SHISA6: variants seen among roughly 807,000 people sequenced by gnomAD.
SHISA6 encodes protein shisa-6.
A neutral mutation model predicts 47.9 loss-of-function variants in SHISA6; 22 were observed. That is an observed-to-expected ratio of 0.46 (90% CI 0.33 to 0.66). The LOEUF is 0.66. Among genes scored for constraint, SHISA6 ranks in the 30% least tolerant of loss-of-function variants. The probability of loss-of-function intolerance (pLI) is 0.02; values close to 1 mark genes in which losing one functional copy is unlikely to be tolerated. For missense variants in SHISA6, 680 were observed against 764.6 expected (o/e 0.89, Z 1.30); for synonymous variants, 388 against 337.8 (o/e 1.15, Z -1.63).
chr17:11,480,327 AT>A (rs1916178336), intron 3 of SHISA6, among the ~76,000 whole-genome samples: 2 of 152,116 alleles, frequency 1.3e-5, no homozygotes, highest in Admixed American at 1.3e-4. Context: ...GATACCTGTT[AT>A]TAATTTGGGG....
chr17:11,394,117 A>G (rs1290650346), intron 3 of SHISA6, among the ~76,000 whole-genome samples: 1 of 152,204 alleles, frequency 6.6e-6, no homozygotes, highest in East Asian at 1.9e-4. Flanking sequence ...AGCAAGGACC[A>G]TATCTGGAGT....
At chr17:11,453,201 T>C (rs1915449243) in intron 3 of SHISA6, among the ~76,000 whole-genome samples, 1 of 152,184 alleles carries the variant, frequency 6.6e-6, no homozygotes, top group African/African-American at 2.4e-5. Flanking sequence ...ACAAAGAGAT[T>C]ATCATAGATG....
chr17:11,247,543 T>C (rs1045964939), intron 1 of SHISA6, among the ~76,000 whole-genome samples: 2 of 152,136 alleles, frequency 1.3e-5, no homozygotes, highest in Admixed American at 6.6e-5. Flanking sequence ...CTTGATGATA[T>C]ATCACCTCTG....
intron 1 of SHISA6, among the ~76,000 whole-genome samples, chr17:11,248,221 A>AT (rs950938393): frequency 1.1e-4 from 17 of 152,020 alleles, no homozygotes; most frequent in Admixed American, 9.8e-4. Context: ...TGCTAACTCT[A>AT]TTTTTTTTAA....
chr17:11,511,007 G>A (rs895368819), intron 3 of SHISA6, among the ~76,000 whole-genome samples: 1 of 152,162 alleles, frequency 6.6e-6, no homozygotes, highest in Non-Finnish European at 1.5e-5. Context: ...AATGGAGCTA[G>A]GAAGAGCACC....
At chr17:11,244,978 A>G (rs1907518064) in intron 1 of SHISA6, among the ~76,000 whole-genome samples, 1 of 152,146 alleles carries the variant, frequency 6.6e-6, no homozygotes, top group Non-Finnish European at 1.5e-5. Context: ...CCCAGGCTGG[A>G]CAGCCCTCCG....
chr17:11,280,676 G>A (rs1567559378), intron 2 of SHISA6, among the ~76,000 whole-genome samples: 4 of 152,190 alleles, frequency 2.6e-5, no homozygotes, highest in Admixed American at 1.3e-4. Context: ...AGACTTGAAT[G>A]GTCAGAAAGC....
chr17:11,503,668 G>A (rs562970022), intron 3 of SHISA6, among the ~76,000 whole-genome samples: 1 of 152,126 alleles, frequency 6.6e-6, no homozygotes, highest in Non-Finnish European at 1.5e-5. Context: ...TTTGCCCCTT[G>A]GAGATGTAAT....
In SHISA6 at chr17:11,563,057, G is replaced by A. The variant is rs1347150455; in HGVS notation, c.*4753G>A. Reference sequence around the variant, plus strand: ...ATTCTGAGTTTGGAGTTTCCATTTGGATACGGTCCTTATAGCTGGAGGGAG... The same window carrying A: ...ATTCTGAGTTTGGAGTTTCCATTTGAATACGGTCCTTATAGCTGGAGGGAG... On this transcript the variant is annotated 3_prime_UTR_variant, in exon 6 of 6. Transcript: ENST00000441885. 2.0e-5 allele frequency: 3 copies of A among 152,316 alleles called. No individual in the cohort carries two copies. The highest frequency in any genetic ancestry group is 7.2e-5 in the African/African-American group (3 of 41,438). 9.4% of individuals were successfully genotyped at this position (152,316 alleles called of 1,614,324 possible).
intron 3 of SHISA6, among the ~76,000 whole-genome samples, chr17:11,409,703 C>CAA (rs35351476): frequency 6.0e-4 from 49 of 82,046 alleles, no homozygotes; most frequent in South Asian, 2.0e-3. Flanking sequence ...GACTCCATCT[C>CAA]AAAAAAAAAA....
chr17:11,263,576 T>G (rs893574470), intron 2 of SHISA6, 50 bp downstream of exon 2: 14 of 1,544,388 alleles, frequency 9.1e-6, no homozygotes, highest in Admixed American at 3.9e-5. Flanking sequence ...GGTGAGAGGT[T>G]TCAGGATGTT....
intron 3 of SHISA6, among the ~76,000 whole-genome samples, chr17:11,506,006 G>A (rs2071495807): frequency 6.6e-6 from 1 of 152,194 alleles, no homozygotes; most frequent in South Asian, 2.1e-4. Context: ...AGAGAGTTTG[G>A]TTCTTAATTT....
chr17:11,359,930 CA>C (rs933571429), intron 2 of SHISA6, among the ~76,000 whole-genome samples: 11 of 152,134 alleles, frequency 7.2e-5, no homozygotes, highest in African/African-American at 2.7e-4. Flanking sequence ...GATCTAGAAC[CA>C]AAAATACCAT....
intron 3 of SHISA6, among the ~76,000 whole-genome samples, chr17:11,409,097 A>G (rs1053868940): frequency 1.3e-5 from 2 of 152,186 alleles, no homozygotes; most frequent in Non-Finnish European, 2.9e-5. Flanking sequence ...AGAAATAATT[A>G]ATTTGATAAA....
At chr17:11,439,282 G>A (rs780826764) in intron 3 of SHISA6, among the ~76,000 whole-genome samples, 1 of 152,216 alleles carries the variant, frequency 6.6e-6, no homozygotes, top group Non-Finnish European at 1.5e-5. Flanking sequence ...GACTCTGGGT[G>A]GGTCATCAGT....
intron 2 of SHISA6, among the ~76,000 whole-genome samples, chr17:11,378,991 C>G (rs908632065): frequency 6.6e-6 from 1 of 151,730 alleles, no homozygotes; most frequent in African/African-American, 2.4e-5. Context: ...ACCTTGCGCT[C>G]AGCCAGAAAT....
chr17:11,492,539 T>C (rs1043855427), intron 3 of SHISA6, among the ~76,000 whole-genome samples: 1 of 152,200 alleles, frequency 6.6e-6, no homozygotes, highest in African/African-American at 2.4e-5. Context: ...AAAATTAGGA[T>C]GATGATGGAT....
chr17:11,539,340 A>C (rs2908964), intron 3 of SHISA6, among the ~76,000 whole-genome samples: 73,769 of 152,106 alleles, frequency 0.48, 18,132 homozygotes, highest in East Asian at 0.61. Context: ...GACTCACTAA[A>C]CAGAAATTGC....
chr17:11,359,441 A>C (rs1263632704), intron 2 of SHISA6, among the ~76,000 whole-genome samples: 1 of 152,190 alleles, frequency 6.6e-6, no homozygotes, highest in African/African-American at 2.4e-5. Context: ...GCCTTCCAGG[A>C]GCAAATATAC....
Sources: gnomAD v4.1 joint callset for allele counts (sites outside exome capture counted in the v4.1 genomes callset) on GRCh38, gnomAD v4.1.1 for gene constraint, MANE v1.5 for transcripts, NCBI Gene and HGNC (gene_info 2026-07-23, HGNC 2026-07-21) for gene names.